Variants in LUZP2 observed in about 807,000 individuals in gnomAD.
The protein encoded by LUZP2 is leucine zipper protein 2.
LUZP2 carries 52 observed loss-of-function variants against 51.6 expected under a neutral mutation model. The ratio of observed to expected loss-of-function variants is 1.01; its 90% CI spans 0.81 to 1.27. The LOEUF (loss-of-function observed/expected upper bound fraction) is 1.27. Among genes scored for constraint, LUZP2 ranks in the 50% most tolerant of loss-of-function variants. The pLI, the probability that LUZP2 is intolerant of heterozygous loss-of-function variation, is 0.00. For missense variants in LUZP2, 436 were observed against 395.4 expected, an observed-to-expected ratio of 1.10 and a Z score of -0.87; for synonymous variants, 154 against 137.3, an observed-to-expected ratio of 1.12 and a Z score of -0.85.
chr11:24,528,671 T>G (rs1463674001), intron 1 of LUZP2, among the ~76,000 whole-genome samples: 1 of 151,180 alleles, frequency 6.6e-6, no homozygotes, highest in Non-Finnish European at 1.5e-5. Flanking sequence ...CTGATCATTT[T>G]CTATGGAGTG....
chr11:24,886,083 T>C (rs1282414310), intron 5 of LUZP2, among the ~76,000 whole-genome samples: 1 of 152,202 alleles, frequency 6.6e-6, no homozygotes, highest in East Asian at 1.9e-4. Context: ...TTATTATTCA[T>C]GTGTGTTCAA....
At chr11:25,071,379 A>G (rs1859153732) in intron 10 of LUZP2, among the ~76,000 whole-genome samples, 1 of 151,756 alleles carries the variant, frequency 6.6e-6, no homozygotes, top group Admixed American at 6.6e-5. Flanking sequence ...CATGTACCCT[A>G]AAACTTAAAG....
At chr11:24,522,561 A>T (rs954260665) in intron 1 of LUZP2, among the ~76,000 whole-genome samples, 2 of 152,094 alleles carry the variant, frequency 1.3e-5, no homozygotes, top group African/African-American at 4.8e-5. Flanking sequence ...TGTATAGCTC[A>T]TTGTCAAAAG....
At chr11:24,706,752 T>A (rs527834569) in intron 1 of LUZP2, among the ~76,000 whole-genome samples, 2 of 152,168 alleles carry the variant, frequency 1.3e-5, no homozygotes, top group African/African-American at 4.8e-5. Context: ...ATGTTCCAAG[T>A]TTCTTTTCAT....
At chr11:24,649,548 A>G (rs1406338268) in intron 1 of LUZP2, among the ~76,000 whole-genome samples, 6 of 151,970 alleles carry the variant, frequency 3.9e-5, no homozygotes, top group African/African-American at 1.2e-4. Context: ...AGCACTATTT[A>G]GGAGCATTAA....
intron 5 of LUZP2, among the ~76,000 whole-genome samples, chr11:24,857,272 GATAT>G (rs59798750): frequency 1.5e-5 from 2 of 136,072 alleles, no homozygotes; most frequent in African/African-American, 2.7e-5. Flanking sequence ...GATTCATGGG[GATAT>G]ATATATATAT....
At chr11:24,570,313 T>C (rs1407192291) in intron 1 of LUZP2, among the ~76,000 whole-genome samples, 1 of 152,050 alleles carries the variant, frequency 6.6e-6, no homozygotes, top group Non-Finnish European at 1.5e-5. Context: ...AAAGTCATCT[T>C]TTATATGCAA....
Position 24,797,485 on chromosome 11 carries a change from TG to T in LUZP2, c.396+34178del, listed in dbSNP as rs557410620. Among the ~76,000 whole-genome samples the T allele has an allele frequency of 2.9e-4, 44 of 152,268 alleles. No individual in the cohort carries two copies. In the East Asian group the frequency reaches 6.0e-3, roughly 21 times the overall value. On this transcript the variant is annotated intron_variant, in intron 5 of 11. Coordinates refer to ENST00000336930, the MANE Select transcript of LUZP2 (RefSeq NM_001009909.4). Reference sequence around the variant, plus strand: ...ACATAATTATCCCTCCCATTTCACATGTGAAGAAACTGTAACTCAAGGACTT... The same window carrying T: ...ACATAATTATCCCTCCCATTTCACATTGAAGAAACTGTAACTCAAGGACTT...
chr11:25,039,204 C>T (rs1857960993), intron 9 of LUZP2, among the ~76,000 whole-genome samples: 1 of 152,108 alleles, frequency 6.6e-6, no homozygotes, highest in South Asian at 2.1e-4. Context: ...GAACTAGTGG[C>T]CACAGCCCTG....
chr11:24,689,076 G>T (rs967942466), intron 1 of LUZP2, among the ~76,000 whole-genome samples: 1 of 152,156 alleles, frequency 6.6e-6, no homozygotes, highest in Non-Finnish European at 1.5e-5. Context: ...TTTAGGGCAG[G>T]AGTGAAAGTT....
intron 7 of LUZP2, among the ~76,000 whole-genome samples, chr11:24,949,200 CTT>C (rs1173393281): frequency 6.6e-6 from 1 of 151,344 alleles, no homozygotes; most frequent in African/African-American, 2.4e-5. Flanking sequence ...CTTTTCCACT[CTT>C]TGTTTTGTTT....
chr11:24,569,245 G>A (rs921966771), intron 1 of LUZP2, among the ~76,000 whole-genome samples: 3 of 151,808 alleles, frequency 2.0e-5, no homozygotes, highest in Admixed American at 1.3e-4. Context: ...ATATAAATAC[G>A]CTGTTATACA....
intron 1 of LUZP2, among the ~76,000 whole-genome samples, chr11:24,591,935 C>T (rs1447348271): frequency 6.6e-6 from 1 of 152,112 alleles, no homozygotes; most frequent in Non-Finnish European, 1.5e-5. Context: ...AAAACAAATG[C>T]CAGCCAGGTT....
intron 9 of LUZP2, among the ~76,000 whole-genome samples, chr11:25,021,622 T>G (rs1337080083): frequency 6.6e-6 from 1 of 151,880 alleles, no homozygotes; most frequent in East Asian, 1.9e-4. Context: ...GAAAGAGAGA[T>G]TAAAGAGAAA....
chr11:24,572,680 GTC>G (rs1247449002), intron 1 of LUZP2, among the ~76,000 whole-genome samples: 3 of 151,972 alleles, frequency 2.0e-5, no homozygotes, highest in Non-Finnish European at 4.4e-5. Flanking sequence ...ACAGCTTGAT[GTC>G]TCTCTGCATC....
intron 5 of LUZP2, among the ~76,000 whole-genome samples, chr11:24,820,597 T>A (rs1320570164): frequency 6.6e-6 from 1 of 152,084 alleles, no homozygotes; most frequent in Non-Finnish European, 1.5e-5. Context: ...TAAATGTAGA[T>A]AACTGACAGT....
chr11:24,919,657 C>G (rs1362026263), intron 7 of LUZP2, among the ~76,000 whole-genome samples: 1 of 148,524 alleles, frequency 6.7e-6, no homozygotes, highest in South Asian at 2.1e-4. Context: ...TATGTTTATA[C>G]ATGCATACAT....
intron 1 of LUZP2, among the ~76,000 whole-genome samples, chr11:24,655,867 G>C (rs1855783592): frequency 6.6e-6 from 1 of 152,148 alleles, no homozygotes; most frequent in African/African-American, 2.4e-5. Flanking sequence ...TAGATGTTGG[G>C]CATTTGGTAA....
intron 1 of LUZP2, among the ~76,000 whole-genome samples, chr11:24,597,802 C>T (rs1263335652): frequency 1.3e-5 from 2 of 152,050 alleles, no homozygotes; most frequent in Non-Finnish European, 2.9e-5. Flanking sequence ...TCTTTAGTCA[C>T]ATAGAAGATA....
Sources: gnomAD v4.1 joint callset for allele counts (sites outside exome capture counted in the v4.1 genomes callset) on GRCh38, gnomAD v4.1.1 for gene constraint, MANE v1.5 for transcripts, NCBI Gene and HGNC (gene_info 2026-07-23, HGNC 2026-07-21) for gene names.